Variants in CMSS1 observed in about 807,000 individuals in gnomAD.
The protein encoded by CMSS1 is protein CMSS1.
Under a neutral mutation model 43.5 loss-of-function variants are expected in CMSS1, and 33 were observed. The observed-to-expected ratio is 0.76, with a 90% CI of 0.57 to 1.01. The LOEUF is 1.01. Among genes scored for constraint, CMSS1 ranks in the 50% least tolerant of loss-of-function variants. The pLI, the probability that CMSS1 is intolerant of heterozygous loss-of-function variation, is 0.00. For missense variants in CMSS1, 313 were observed against 326.4 expected, an observed-to-expected ratio of 0.96 and a Z score of 0.32; for synonymous variants, 115 against 117.2, an observed-to-expected ratio of 0.98 and a Z score of 0.12.
At chr3:99,924,546 T>A (rs577085112) in intron 1 of CMSS1, 1 of 844,428 alleles carries the variant, frequency 1.2e-6, no homozygotes, top group Admixed American at 2.6e-5. Flanking sequence ...TGAAACAGTT[T>A]TCGCTGTCGT....
chr3:100,023,175 T>C (rs1225042744), intron 1 of CMSS1: 1 of 152,196 alleles, frequency 6.6e-6, no homozygotes, highest in Non-Finnish European at 1.5e-5. Flanking sequence ...GGTGGCTGGG[T>C]GTAGATGGAC....
chr3:99,842,293 G>A (rs938639685), intron 1 of CMSS1, among the ~76,000 whole-genome samples: 1 of 152,152 alleles, frequency 6.6e-6, no homozygotes, highest in African/African-American at 2.4e-5. Context: ...TGAGGACACA[G>A]AGGCATAAGA....
chr3:99,880,435 T>G (rs1353487824), intron 1 of CMSS1, among the ~76,000 whole-genome samples: 3 of 152,180 alleles, frequency 2.0e-5, no homozygotes, highest in Non-Finnish European at 4.4e-5. Flanking sequence ...TTTACTTTTA[T>G]CTGTAGCCTG....
chr3:99,953,422 G>T (rs1384607143), intron 1 of CMSS1, among the ~76,000 whole-genome samples: 2 of 152,132 alleles, frequency 1.3e-5, no homozygotes, highest in East Asian at 3.8e-4. Context: ...GGTTCTGAGG[G>T]TGCAGTTTGA....
chr3:100,034,691 C>A (rs908149245), intron 1 of CMSS1, among the ~76,000 whole-genome samples: 1 of 152,052 alleles, frequency 6.6e-6, no homozygotes, highest in African/African-American at 2.4e-5. Flanking sequence ...TGATGGGGAA[C>A]CCTCAGAGTT....
At chr3:100,066,661 AG>A (rs2065670326) in intron 1 of CMSS1, among the ~76,000 whole-genome samples, 1 of 126,780 alleles carries the variant, frequency 7.9e-6, no homozygotes, top group African/African-American at 2.8e-5. Flanking sequence ...CCTCCCAAGT[AG>A]CTGGGACTAC....
At chr3:99,857,929 G>C (rs1944051320) in intron 1 of CMSS1, among the ~76,000 whole-genome samples, 1 of 152,150 alleles carries the variant, frequency 6.6e-6, no homozygotes, top group Admixed American at 6.5e-5. Flanking sequence ...TTAGTACTAA[G>C]GCTATCCTGA....
At chr3:100,107,877 T>TAAAAAAA (rs11322494) in intron 1 of CMSS1, among the ~76,000 whole-genome samples, 1 of 130,060 alleles carries the variant, frequency 7.7e-6, no homozygotes, top group Non-Finnish European at 1.6e-5. Context: ...GCAAGAGAAT[T>TAAAAAAA]AAAAAAAAAA....
intron 1 of CMSS1, among the ~76,000 whole-genome samples, chr3:99,842,957 T>C (rs967319039): frequency 1.3e-5 from 2 of 152,206 alleles, no homozygotes; most frequent in African/African-American, 4.8e-5. Context: ...CTCTGATATA[T>C]TGACTGCCCA....
chr3:100,044,182 T>C (rs1035755069), intron 1 of CMSS1, among the ~76,000 whole-genome samples: 2 of 152,212 alleles, frequency 1.3e-5, no homozygotes, highest in Non-Finnish European at 2.9e-5. Context: ...ACTTGCCTCG[T>C]TTATTCATTT....
chr3:100,060,217 T>A (rs1042280238), intron 1 of CMSS1, among the ~76,000 whole-genome samples: 1 of 152,132 alleles, frequency 6.6e-6, no homozygotes, highest in Non-Finnish European at 1.5e-5. Context: ...CTAAAGATTT[T>A]TTTGATCTAC....
At chr3:100,104,731 A>G (rs1403857899) in intron 1 of CMSS1, among the ~76,000 whole-genome samples, 2 of 152,152 alleles carry the variant, frequency 1.3e-5, no homozygotes, top group East Asian at 3.9e-4. Flanking sequence ...TCAGCTTGTT[A>G]GCTTTCATCA....
At chr3:99,979,937 G>GTTTATACTTT (rs1559712028) in intron 1 of CMSS1, among the ~76,000 whole-genome samples, 1 of 152,310 alleles carries the variant, frequency 6.6e-6, no homozygotes, top group East Asian at 1.9e-4. Context: ...GAACTAATTT[G>GTTTATACTTT]TGGTTAAGGA....
intron 5 of CMSS1, 108 bp from the exon 6 acceptor site, chr3:100,167,630 A>C (rs2067075917): frequency 1.7e-6 from 1 of 578,632 alleles, no homozygotes; most frequent in African/African-American, 1.8e-5. Flanking sequence ...AACCATGCTT[A>C]CTATATTTTG....
At chr3:99,819,100 T>C (rs1222040789) in intron 1 of CMSS1, among the ~76,000 whole-genome samples, 2 of 152,232 alleles carry the variant, frequency 1.3e-5, no homozygotes, top group Non-Finnish European at 2.9e-5. Flanking sequence ...AAATATCCAT[T>C]AAAAATAACC....
At chr3:100,063,610 C>G (rs778753615) in intron 1 of CMSS1, among the ~76,000 whole-genome samples, 1 of 152,102 alleles carries the variant, frequency 6.6e-6, no homozygotes, top group Non-Finnish European at 1.5e-5. Flanking sequence ...CTTTGGTAGT[C>G]TTTTAAAAGT....
intron 1 of CMSS1, among the ~76,000 whole-genome samples, chr3:99,886,848 T>G (rs1354906260): frequency 1.3e-5 from 2 of 151,768 alleles, no homozygotes; most frequent in African/African-American, 4.8e-5. Flanking sequence ...TGGACACCTG[T>G]AATCCCAGCT....
At chr3:99,963,643 G>A (rs1328442788) in intron 1 of CMSS1, among the ~76,000 whole-genome samples, 3 of 151,208 alleles carry the variant, frequency 2.0e-5, no homozygotes, top group East Asian at 1.9e-4. Flanking sequence ...ACGGAGTGTC[G>A]CTCTGTAGCC....
chr3:99,856,800 G>C (rs778036809), intron 1 of CMSS1, among the ~76,000 whole-genome samples: 4 of 152,148 alleles, frequency 2.6e-5, no homozygotes, highest in Non-Finnish European at 5.9e-5. Context: ...TGTCAGCACA[G>C]ATGTGTGCCT....
Sources: gnomAD v4.1 joint callset for allele counts (sites outside exome capture counted in the v4.1 genomes callset) on GRCh38, gnomAD v4.1.1 for gene constraint, MANE v1.5 for transcripts, NCBI Gene and HGNC (gene_info 2026-07-23, HGNC 2026-07-21) for gene names.